The following CYP11B2 variants were observed in gnomAD, a reference collection of about 807,000 sequenced individuals.
CYP11B2 encodes the protein cytochrome P450 family 11 subfamily B member 2, also known as cytochrome P450 11B2, mitochondrial.
In CYP11B2, 38 loss-of-function variants were observed where a neutral mutation model predicts 49.3. The observed-to-expected ratio is 0.77, with a 90% confidence interval of 0.59 to 1.01. CYP11B2 has a LOEUF of 1.01. CYP11B2 is among the 50% of genes least tolerant of loss of function. The probability of loss-of-function intolerance (pLI) is 0.00; values close to 1 mark genes in which losing one functional copy is unlikely to be tolerated. For missense variants in CYP11B2, 669 were observed against 655.5 expected (o/e 1.02, Z -0.23); for synonymous variants, 290 against 269.3 (o/e 1.08, Z -0.75).
intron 2 of CYP11B2, 51 bp downstream of exon 2, chr8:142,917,008 C>T: frequency 6.2e-7 from 1 of 1,607,328 alleles, no homozygotes; most frequent in Non-Finnish European, 8.5e-7. Flanking sequence ...CCCCCCTACA[C>T]CCAGGCTGCC....
Position 142,914,740 on chromosome 8 carries a change from T to C in CYP11B2, c.764A>G (p.Glu255Gly), listed in dbSNP as rs766598468. 1 of 1,612,724 alleles carries C rather than the reference T, an allele frequency of 6.2e-7. No homozygotes were observed. The highest frequency in any genetic ancestry group is 8.5e-7 in the Non-Finnish European group (1 of 1,179,698). Reference sequence around the variant, plus strand: ...GATGCAGTCCCAGGCCTCAAAGTGCTCCTTCCACACCTTGGGGCTGATCCA... The same window carrying C: ...GATGCAGTCCCAGGCCTCAAAGTGCCCCTTCCACACCTTGGGGCTGATCCA... ...SRWISPKVWK[E>G]HFEAWDCIFQ... The change falls in exon 4 of 9, where the codon GAG becomes GGG. Residue 255 changes from glutamate to glycine, a missense_variant. By Grantham distance (98) the Glu-to-Gly change is moderately conservative (BLOSUM62 -2). Coordinates refer to ENST00000323110, the MANE Select transcript of CYP11B2 (RefSeq NM_000498.3).
In CYP11B2 at chr8:142,910,679, C is replaced by A. The variant is rs1253730465; in HGVS notation, c.*1301G>T. The A allele has an allele frequency of 6.6e-6, 1 of 152,080 alleles. No homozygotes were observed. The highest frequency in any genetic ancestry group is 2.4e-5 in the African/African-American group (1 of 41,382). 9.4% of individuals were successfully genotyped at this position (152,080 alleles called of 1,614,324 possible). A position where few individuals can be genotyped will look rare whatever the true frequency, so the allele number is the denominator to read the frequency against. The stretch of plus-strand genomic sequence containing the variant: ...TCTGAGGTCTGTGCACCTTGTTGCC[C>A]CCTTATTCCTTTCCCATGCTGCACT... On this transcript the variant is annotated 3_prime_UTR_variant, in exon 9 of 9. Coordinates refer to ENST00000323110, the MANE Select transcript of CYP11B2 (RefSeq NM_000498.3). This position sits in a 1 kb window ranked among gnomAD's most constrained non-coding sequence, Gnocchi z 4.6.
chr8:142,914,216 G>A (rs755303895), intron 5 of CYP11B2, 48 bp downstream of exon 5: 6 of 1,610,272 alleles, frequency 3.7e-6, no homozygotes, highest in Admixed American at 1.7e-5. Context: ...TGCCTGGGAG[G>A]CAGGCTTGGC....
chr8:142,912,439 A>G, intron 8 of CYP11B2, 91 bp downstream of exon 8: 18 of 1,370,420 alleles, frequency 1.3e-5, no homozygotes, highest in Non-Finnish European at 1.8e-5. Context: ...CACTGTTCCC[A>G]GGTGTCAATC....
At chr8:142,915,999 T>C (rs4072020) in intron 2 of CYP11B2, among the ~76,000 whole-genome samples, 58,526 of 152,078 alleles carry the variant, frequency 0.38, 12,243 homozygotes, top group Non-Finnish European at 0.45. Flanking sequence ...CGCATGTGCA[T>C]GTGTGCACAA....
intron 2 of CYP11B2, among the ~76,000 whole-genome samples, 197 bp from the exon 3 acceptor site, chr8:142,915,442 G>C (rs1817627734): frequency 6.6e-6 from 1 of 151,382 alleles, no homozygotes; most frequent in Admixed American, 6.6e-5. Context: ...GGCCACTCAG[G>C]TCTAAGCAGG....
intron 2 of CYP11B2, among the ~76,000 whole-genome samples, 190 bp from the exon 3 acceptor site, chr8:142,915,435 C>T (rs761712517): frequency 6.6e-6 from 1 of 151,426 alleles, no homozygotes; most frequent in Admixed American, 6.6e-5. Flanking sequence ...GGGCAAAGGC[C>T]ACTCAGGTCT....
At chr8:142,914,226 C>G in intron 5 of CYP11B2, 38 bp downstream of exon 5, 1 of 1,613,386 alleles carries the variant, frequency 6.2e-7, no homozygotes, top group East Asian at 2.2e-5. Context: ...GCAGGCTTGG[C>G]ATCACCCTCT....
intron 1 of CYP11B2, 73 bp from the exon 2 acceptor site, chr8:142,917,287 A>G: frequency 6.5e-7 from 1 of 1,543,166 alleles, no homozygotes; most frequent in South Asian, 1.1e-5. Flanking sequence ...GTCCCAATCC[A>G]AAGTGTCTCC....
Position 142,914,765 on chromosome 8 carries a change from A to G in CYP11B2, c.739T>C (p.Trp247Arg). The change falls in exon 4 of 9, where the codon TGG becomes CGG. Residue 247 changes from tryptophan to arginine, a missense_variant. Transcript: ENST00000323110. ...LMFMPRSLSR[W>R]ISPKVWKEHF... Reference sequence around the variant, plus strand: ...TCCTTCCACACCTTGGGGCTGATCCAGCGAGACAGGCTCCTGGGCATGAAC... The same window carrying G: ...TCCTTCCACACCTTGGGGCTGATCCGGCGAGACAGGCTCCTGGGCATGAAC... 3 of 1,613,588 alleles carry G rather than the reference A, an allele frequency of 1.9e-6. No individual in the cohort carries two copies. The highest frequency in any genetic ancestry group is 1.7e-6 in the Non-Finnish European group (2 of 1,179,952).
At chr8:142,916,327 C>T (rs1314957276) in intron 2 of CYP11B2, 10 of 440,170 alleles carry the variant, frequency 2.3e-5, no homozygotes, top group African/African-American at 8.0e-5. Flanking sequence ...TTCCCAATAG[C>T]GTTCCCTTCC....
At chr8:142,912,152 C>T in intron 8 of CYP11B2, 59 bp from the exon 9 acceptor site, 1 of 1,611,592 alleles carries the variant, frequency 6.2e-7, no homozygotes, top group Non-Finnish European at 8.5e-7. Flanking sequence ...CCTGGGGCAG[C>T]TTCCTCCCAT....
At position 142,917,685 on chromosome 8, in the gene CYP11B2, C is replaced by G; in HGVS notation, c.156G>C (p.Leu52=). The part of the protein sequence containing the change: ...PQHPGNRWLR[L]LQIWREQGYE... The stretch of plus-strand genomic sequence containing the variant: ...AACCCTGCTCCCTCCAGATCTGCAG[C>G]AGCCTCAGCCACCTGTTGCCTGGAT... Residue 52 remains leucine (L), a synonymous_variant, in exon 1 of 9, where the codon CTG becomes CTC. Transcript: ENST00000323110. 1 of 1,614,264 alleles carries G rather than the reference C, an allele frequency of 6.2e-7. No individual in the cohort carries two copies. Among genetic ancestry groups the G allele is most frequent in the East Asian group, 2.2e-5 (1 of 44,886 alleles).
Position 142,912,872 on chromosome 8 carries a change from C to T in CYP11B2, c.1135G>A (p.Gly379Ser), listed in dbSNP as rs1457402197. ...CTCACCACTCGCTCCAAAAACAGACCCACAGGGTAGAGCCTGGAGGTGGGG... is the reference window on the plus strand; with the variant it reads ...CTCACCACTCGCTCCAAAAACAGACTCACAGGGTAGAGCCTGGAGGTGGGG... ...LKETLRLYPVGLFLERVVSSD... is the reference protein window; with the variant it reads ...LKETLRLYPVSLFLERVVSSD... The change falls in exon 7 of 9, where the codon GGT becomes AGT. Residue 379 changes from glycine (G) to serine (S), a missense_variant. Transcript: ENST00000323110. 6.2e-7 allele frequency: 1 copy of T among 1,613,400 alleles called. No individual in the cohort carries two copies.
chr8:142,917,274 G>A, intron 1 of CYP11B2, 60 bp from the exon 2 acceptor site: 1 of 1,577,164 alleles, frequency 6.3e-7, no homozygotes, highest in Non-Finnish European at 8.7e-7. Flanking sequence ...GCCCCACCCT[G>A]CAGTCCCAAT....
At chr8:142,916,462 G>A (rs535678649) in intron 2 of CYP11B2, 24 of 455,420 alleles carry the variant, frequency 5.3e-5, no homozygotes, top group South Asian at 1.1e-4. Context: ...CTGACCAGGC[G>A]CCACCCTCTC....
rs570692763 is a variant in CYP11B2 at position 142,914,901 on chromosome 8, G to C, written c.603C>G (p.Asn201Lys). 2 of 1,613,880 alleles carry C rather than the reference G, an allele frequency of 1.2e-6. No individual in the cohort carries two copies. Among genetic ancestry groups the C allele is most frequent in the Non-Finnish European group, 1.7e-6 (2 of 1,180,008 alleles). The change falls in exon 4 of 9, where the codon AAC becomes AAG. Residue 201 changes from asparagine to lysine, a missense_variant. Asn to Lys is a moderately conservative substitution (Grantham distance 94). Transcript: ENST00000323110. The part of the protein sequence containing the change: ...SIFHYTIEAS[N>K]LALFGERLGL... ...CCAGCCGCTCTCCAAAAAGAGCTAA[G>C]TTGCTGGCTGCGGGGAGGATGCACT...
chr8:142,917,409 C>T (rs1817666648), intron 1 of CYP11B2, among the ~76,000 whole-genome samples, 193 bp downstream of exon 1: 1 of 152,234 alleles, frequency 6.6e-6, no homozygotes, highest in South Asian at 2.1e-4. Context: ...CTGCAGTGAG[C>T]TGGGGTTTTC....
chr8:142,914,831 G>C lies in CYP11B2; in HGVS notation c.673C>G (p.His225Asp), dbSNP rs1817612311. The change falls in exon 4 of 9, where the codon CAT (histidine) becomes GAT (aspartate). Residue 225 changes from histidine to aspartate, a missense_variant. Physicochemically the swap from His to Asp is moderately conservative, Grantham distance 81. Transcript: ENST00000323110. Reference protein sequence around the residue: ...SPSSASLNFLHALEVMFKSTV... With the variant: ...SPSSASLNFLDALEVMFKSTV... ...GATTTGAACATGACCTCCAGGGCAT[G>C]GAGGAAGTTCAGGCTGGCAGAACTG... 6.2e-7 allele frequency: 1 copy of C among 1,613,672 alleles called. No individual in the cohort carries two copies. The highest frequency in any genetic ancestry group is 8.5e-7 in the Non-Finnish European group (1 of 1,180,000).
Sources: allele counts gnomAD v4.1 joint callset (sites outside exome capture counted in the v4.1 genomes callset), GRCh38; gene constraint gnomAD v4.1.1; non-coding constraint Gnocchi (gnomAD v3.1); transcripts MANE v1.5; gene names NCBI Gene and HGNC (gene_info 2026-07-23, HGNC 2026-07-21).